Variants in AFF2 observed in about 807,000 individuals in gnomAD.
AFF2 encodes the protein ALF transcription elongation factor 2.
Under a neutral mutation model 76.9 loss-of-function variants are expected in AFF2, and 14 were observed. That is an observed-to-expected ratio of 0.18 (90% CI 0.12 to 0.28). The LOEUF (loss-of-function observed/expected upper bound fraction) is 0.28, where lower values mean the gene tolerates loss of function less well. Among genes scored for constraint, AFF2 ranks in the 10% least tolerant of loss-of-function variants. AFF2 has a pLI of 1.00. For synonymous variants in AFF2, 398 were observed against 366.7 expected (o/e 1.09, Z -0.98); for missense variants, 868 against 1,001.1 (o/e 0.87, Z 1.79).
rs553556460 is a variant in AFF2 at position 148,765,072 on chromosome X, C to T, written c.1042-44804C>T. ...AAAAACTTTTATTTATAGAGATGGG[C>T]TTTCGCTATAGAGTTGTTGCCCAGG... On this transcript the variant is annotated intron_variant, in intron 3 of 20. Coordinates refer to ENST00000370460, the MANE Select transcript of AFF2 (RefSeq NM_002025.4). 2.6e-4 allele frequency among the ~76,000 whole-genome samples: 29 copies of T among 111,053 alleles called. No individual in the cohort carries two copies. The South Asian group carries it at 0.011, about 42-fold the overall frequency.
intron 3 of AFF2, among the ~76,000 whole-genome samples, chrX:148,704,651 C>T (rs1010906119): frequency 5.1e-4 from 54 of 106,223 alleles, no homozygotes; most frequent in Admixed American, 9.5e-4. Context: ...TTCAGCCTCC[C>T]GAGTAGCTGG....
intron 3 of AFF2, among the ~76,000 whole-genome samples, chrX:148,743,875 A>C (rs987180240): frequency 1.8e-5 from 2 of 111,065 alleles, no homozygotes; most frequent in Non-Finnish European, 3.8e-5. Context: ...CAAAGAATGG[A>C]GAAAACTGCC....
chrX:148,565,429 G>A lies in AFF2; in HGVS notation c.47+64285G>A, dbSNP rs987266403. ...TTGGATTTTATTCCTGCAACACAGAGCTAGAAAAATTTTAAGGTCATTAGC... is the reference window on the plus strand; with the variant it reads ...TTGGATTTTATTCCTGCAACACAGAACTAGAAAAATTTTAAGGTCATTAGC... On this transcript the variant is annotated intron_variant, in intron 1 of 20. Coordinates refer to ENST00000370460, the MANE Select transcript of AFF2 (RefSeq NM_002025.4). Among the ~76,000 whole-genome samples, 335 of 111,451 alleles carry A rather than the reference G, an allele frequency of 3.0e-3. 2 individuals are homozygous for A. Among genetic ancestry groups the A allele is most frequent in the Non-Finnish European group, 4.3e-3 (229 of 53,048 alleles).
chrX:148,676,352 T>A (rs5980382), intron 3 of AFF2, among the ~76,000 whole-genome samples: 3 of 111,767 alleles, frequency 2.7e-5, no homozygotes, highest in Non-Finnish European at 3.8e-5. Flanking sequence ...GGCCCGTGAT[T>A]TTTTTAAACT....
intron 1 of AFF2, among the ~76,000 whole-genome samples, chrX:148,581,411 CAT>C (rs1156735482): frequency 2.1e-5 from 1 of 48,541 alleles, no homozygotes; most frequent in Non-Finnish European, 4.1e-5. Flanking sequence ...CGTGTACACA[CAT>C]ATACGTATAC....
At chrX:148,842,161 G>A (rs781881473) in intron 5 of AFF2, among the ~76,000 whole-genome samples, 8 of 111,755 alleles carry the variant, frequency 7.2e-5, no homozygotes, top group South Asian at 3.8e-4. Context: ...CCTGTATTGC[G>A]GTTTGTACCA....
At chrX:148,920,770 T>G (rs1438380222) in intron 9 of AFF2, among the ~76,000 whole-genome samples, 1 of 111,188 alleles carries the variant, frequency 9.0e-6, no homozygotes, top group African/African-American at 3.3e-5. Flanking sequence ...ACATAGTTTA[T>G]TGTTGTGTTT....
intron 3 of AFF2, among the ~76,000 whole-genome samples, chrX:148,716,293 G>T (rs2055024751): frequency 9.0e-6 from 1 of 111,283 alleles, no homozygotes; most frequent in South Asian, 3.8e-4. Context: ...TTTTTTGGCT[G>T]TTGGAAACAG....
chrX:148,521,330 T>C (rs2052594591), intron 1 of AFF2, among the ~76,000 whole-genome samples: 2 of 107,116 alleles, frequency 1.9e-5, no homozygotes, highest in Non-Finnish European at 3.8e-5. Context: ...ACAAACTGAA[T>C]GTACCACATT....
At chrX:148,813,903 CCTT>C (rs1467788847) in intron 4 of AFF2, among the ~76,000 whole-genome samples, 3 of 112,362 alleles carry the variant, frequency 2.7e-5, no homozygotes, top group African/African-American at 9.7e-5. Context: ...ACCAAACTGA[CCTT>C]CTCCCACAAA....
chrX:148,828,777 G>C (rs968606), intron 4 of AFF2, among the ~76,000 whole-genome samples: 1,741 of 111,991 alleles, frequency 0.016, 13 homozygotes, highest in Non-Finnish European at 0.025. Context: ...TGCATGAATA[G>C]GCCCTGCACA....
intron 6 of AFF2, 76 bp downstream of exon 6, chrX:148,843,078 T>C (rs1230365654): frequency 8.8e-6 from 7 of 792,560 alleles, no homozygotes; most frequent in Non-Finnish European, 1.3e-5. Flanking sequence ...TTTTCCTACT[T>C]AAAATCATTA....
intron 1 of AFF2, among the ~76,000 whole-genome samples, chrX:148,619,407 C>T (rs1292491064): frequency 8.9e-6 from 1 of 112,019 alleles, no homozygotes; most frequent in Non-Finnish European, 1.9e-5. Flanking sequence ...AAAATGAAAT[C>T]CCTCAACTTC....
intron 15 of AFF2, among the ~76,000 whole-genome samples, chrX:148,970,512 T>C (rs782339804): frequency 1.8e-5 from 2 of 112,208 alleles, no homozygotes; most frequent in East Asian, 5.6e-4. Context: ...CATCCTGCTA[T>C]CAAAAATTGA....
chrX:148,837,489 G>T (rs1187569269), intron 4 of AFF2, among the ~76,000 whole-genome samples, 158 bp from the exon 5 acceptor site: 4 of 111,752 alleles, frequency 3.6e-5, no homozygotes, highest in African/African-American at 6.5e-5. Flanking sequence ...CAGTTTGCAA[G>T]CATCTGCTGG....
chrX:148,761,471 T>TTG (rs2069441357), intron 3 of AFF2, among the ~76,000 whole-genome samples: 1 of 108,648 alleles, frequency 9.2e-6, no homozygotes, highest in African/African-American at 3.4e-5. Flanking sequence ...TTTTTTGTTT[T>TTG]TTTTTTTTTT....
chrX:148,622,998 A>C (rs1557251462), intron 1 of AFF2, among the ~76,000 whole-genome samples: 1 of 112,112 alleles, frequency 8.9e-6, no homozygotes, highest in Non-Finnish European at 1.9e-5. Context: ...AAGATGAAGC[A>C]GGGGCTTGGT....
chrX:148,628,445 T>A (rs1163989998), intron 1 of AFF2, among the ~76,000 whole-genome samples: 1 of 110,425 alleles, frequency 9.1e-6, no homozygotes, highest in Non-Finnish European at 1.9e-5. Context: ...ATTAGAAAGG[T>A]TATTTAGTTA....
At chrX:148,904,089 T>A (rs1013211012) in intron 8 of AFF2, 132 bp from the exon 9 acceptor site, 2 of 490,007 alleles carry the variant, frequency 4.1e-6, no homozygotes, top group African/African-American at 5.0e-5. Flanking sequence ...AGTCTGCTTA[T>A]CTACAGCACC....
Sources: allele counts gnomAD v4.1 joint callset (sites outside exome capture counted in the v4.1 genomes callset), GRCh38; gene constraint gnomAD v4.1.1; transcripts MANE v1.5; gene names NCBI Gene and HGNC (gene_info 2026-07-23, HGNC 2026-07-21).